PFDN2: variants seen among roughly 807,000 people sequenced by gnomAD.
PFDN2 encodes prefoldin 2.
PFDN2 carries 7 observed loss-of-function variants against 18.3 expected under a neutral mutation model. The observed-to-expected ratio is 0.38, with a 90% CI of 0.22 to 0.72. The LOEUF is 0.72. Among genes scored for constraint, PFDN2 ranks in the 30% least tolerant of loss-of-function variants. PFDN2 has a pLI of 0.47. For synonymous variants in PFDN2, 76 were observed against 75.0 expected, an observed-to-expected ratio of 1.01 and a Z score of -0.07; for missense variants, 181 against 199.1, an observed-to-expected ratio of 0.91 and a Z score of 0.55.
intron 1 of PFDN2, among the ~76,000 whole-genome samples, chr1:161,109,212 C>T (rs976221294): frequency 1.6e-4 from 24 of 152,180 alleles, no homozygotes; most frequent in Non-Finnish European, 7.3e-5. Context: ...AGAATCTTCA[C>T]CCTACGTTTG....
In PFDN2 at chr1:161,100,752, C is replaced by T; in HGVS notation, c.396G>A (p.Lys132=). The change falls in exon 4 of 4, where the codon AAG becomes AAA. Residue 132 remains lysine (K), a synonymous_variant. Transcript: ENST00000368010. Reference sequence around the variant, plus strand: ...CTTCTGAGTTTTCCTTGGCTGCTGGCTTCTCATCTTCTCCCATGAGACGAA... The same window carrying T: ...CTTCTGAGTTTTCCTTGGCTGCTGGTTTCTCATCTTCTCCCATGAGACGAA... ...HNIRLMGEDE[K]PAAKENSEGA... is the part of the protein sequence containing the mutation. 5 of 1,614,156 alleles carry T rather than the reference C, an allele frequency of 3.1e-6. No homozygotes were observed. Among genetic ancestry groups the T allele is most frequent in the Non-Finnish European group, 4.2e-6 (5 of 1,179,974 alleles).
At chr1:161,102,619 C>T (rs1464195529) in intron 1 of PFDN2, among the ~76,000 whole-genome samples, 1 of 152,116 alleles carries the variant, frequency 6.6e-6, no homozygotes, top group Admixed American at 6.6e-5. Context: ...ATAGATTTGG[C>T]CTCTGGCTTC....
chr1:161,101,606 A>G (rs1654562645), intron 3 of PFDN2, among the ~76,000 whole-genome samples: 2 of 152,190 alleles, frequency 1.3e-5, no homozygotes, highest in Admixed American at 1.3e-4. Context: ...TGATTCATGT[A>G]TTCGTGAAAC....
At chr1:161,110,145 A>G (rs1338524760) in intron 1 of PFDN2, among the ~76,000 whole-genome samples, 1 of 151,872 alleles carries the variant, frequency 6.6e-6, no homozygotes, top group Non-Finnish European at 1.5e-5. Context: ...AGACCACTTG[A>G]GCTCAGGAGT....
chr1:161,103,213 G>A (rs12024799), intron 1 of PFDN2, among the ~76,000 whole-genome samples: 3 of 152,084 alleles, frequency 2.0e-5, no homozygotes, highest in African/African-American at 7.2e-5. Context: ...GCAGACAAAT[G>A]GGTATAGAAG....
At chr1:161,117,211 C>T (rs961484459) in intron 1 of PFDN2, among the ~76,000 whole-genome samples, 1 of 152,226 alleles carries the variant, frequency 6.6e-6, no homozygotes, top group Non-Finnish European at 1.5e-5. Context: ...GCACTCCAGC[C>T]TGGGCGACAG....
chr1:161,103,675 C>T (rs111921706), intron 1 of PFDN2, among the ~76,000 whole-genome samples: 6,307 of 102,558 alleles, frequency 0.061, 538 homozygotes, highest in African/African-American at 0.22. Flanking sequence ...CAGAGCAAGA[C>T]TCCGTCTCAA....
At chr1:161,117,855 G>C (rs775609522) in intron 1 of PFDN2, 97 bp downstream of exon 1, 15 of 1,089,744 alleles carry the variant, frequency 1.4e-5, no homozygotes, top group African/African-American at 1.6e-5. Flanking sequence ...CGCACATGTG[G>C]TGCTGGAGTA....
In PFDN2 at chr1:161,108,151, T is replaced by TA. The variant is rs557544026; in HGVS notation, c.76-5777dup. On this transcript the variant is annotated intron_variant, in intron 1 of 3. Transcript: ENST00000368010. ...CAAAAACAAAAACAAAAATAAAAAT[T>TA]AAAAAAAAAAAAAAAACAAGGCTGG... 8.5e-3 allele frequency among the ~76,000 whole-genome samples: 936 copies of TA among 110,654 alleles called. 6 individuals are homozygous for TA. The highest frequency in any genetic ancestry group is 0.022 in the African/African-American group (664 of 29,614). The allele number at this position is 110,654 out of a possible 152,430, so 72.6% of individuals were successfully genotyped here. A position where few individuals can be genotyped will look rare whatever the true frequency, so the allele number is the denominator to read the frequency against.
chr1:161,108,563 T>C (rs549492353), intron 1 of PFDN2, among the ~76,000 whole-genome samples: 1 of 144,216 alleles, frequency 6.9e-6, no homozygotes, highest in African/African-American at 2.6e-5. Context: ...AGACTCCATC[T>C]CAAAAAAAAA....
In PFDN2 at chr1:161,118,035, C is replaced by T. The variant is rs1363612792; in HGVS notation, c.-9G>A. 6.2e-7 allele frequency: 1 copy of T among 1,610,980 alleles called. No individual in the cohort carries two copies. Among genetic ancestry groups the T allele is most frequent in the East Asian group, 2.2e-5 (1 of 44,826 alleles). On this transcript the variant is annotated 5_prime_UTR_variant, in exon 1 of 4. Transcript: ENST00000368010. ...CCGCTGTTCTCCGCCATCTTCGCCG[C>T]CTGCTGGGTTTCCGGCCGGCGCAGC...
At chr1:161,102,211 C>G (rs761819525) in intron 2 of PFDN2, 40 bp from the exon 3 acceptor site, 1 of 1,613,856 alleles carries the variant, frequency 6.2e-7, no homozygotes, top group Non-Finnish European at 8.5e-7. Flanking sequence ...GGATTCAGCC[C>G]CACTCTACTA....
chr1:161,113,809 T>A (rs1229786701), intron 1 of PFDN2, among the ~76,000 whole-genome samples: 1 of 152,174 alleles, frequency 6.6e-6, no homozygotes, highest in Admixed American at 6.6e-5. Context: ...AAAACAAGTG[T>A]CTAACACAAT....
At chr1:161,116,819 G>T (rs1020643776) in intron 1 of PFDN2, among the ~76,000 whole-genome samples, 2 of 151,774 alleles carry the variant, frequency 1.3e-5, no homozygotes, top group African/African-American at 2.4e-5. Context: ...CCGACATCCC[G>T]CAACTGTACT....
At position 161,110,843 on chromosome 1, in the gene PFDN2, C is replaced by CTTT. The variant is rs200704754; in HGVS notation, c.75+7106_75+7108dup. ...AATTTTTTTTTTTTTTTTGTAGAGA[C>CTTT]TTTTTTTTTTTTTTGAGATGGAGTC... is the stretch of plus-strand genomic sequence containing the variant. On this transcript the variant is annotated intron_variant, in intron 1 of 3. Coordinates refer to ENST00000368010, the MANE Select transcript of PFDN2 (RefSeq NM_012394.4). Among the ~76,000 whole-genome samples, 51 of 118,242 alleles carry CTTT rather than the reference C, an allele frequency of 4.3e-4. 1 individual carries two copies. The highest frequency in any genetic ancestry group is 5.3e-4 in the Non-Finnish European group (31 of 58,294). 77.6% of individuals were successfully genotyped at this position (118,242 alleles called of 152,430 possible).
intron 3 of PFDN2, among the ~76,000 whole-genome samples, 191 bp downstream of exon 3, chr1:161,101,857 G>A (rs1048574371): frequency 1.3e-5 from 2 of 152,196 alleles, no homozygotes; most frequent in African/African-American, 4.8e-5. Flanking sequence ...AGGCTCAGGT[G>A]AGTAGCTGGG....
chr1:161,102,380 C>A lies in PFDN2; in HGVS notation c.76-5G>T, dbSNP rs759291535. 33 of 1,606,896 alleles carry A rather than the reference C, an allele frequency of 2.1e-5. No individual in the cohort carries two copies. The highest frequency in any genetic ancestry group is 2.7e-5 in the Non-Finnish European group (32 of 1,173,556). On this transcript the variant is annotated splice_region_variant and splice_polypyrimidine_tract_variant and intron_variant, in intron 1 of 3. Transcript: ENST00000368010. ...GCGGTTGAAGCCAGCAATCACCTAA[C>A]AAGGTGAGAGAAGAGATGAAAGAGG...
chr1:161,100,750 G>C lies in PFDN2; in HGVS notation c.398C>G (p.Pro133Arg). The C allele has an allele frequency of 6.2e-7, 1 of 1,614,086 alleles. No homozygotes were observed. Among genetic ancestry groups the C allele is most frequent in the South Asian group, 1.1e-5 (1 of 91,076 alleles). Reference sequence around the variant, plus strand: ...CCCTTCTGAGTTTTCCTTGGCTGCTGGCTTCTCATCTTCTCCCATGAGACG... The same window carrying C: ...CCCTTCTGAGTTTTCCTTGGCTGCTCGCTTCTCATCTTCTCCCATGAGACG... ...NIRLMGEDEKPAAKENSEGAG... is the reference protein window; with the variant it reads ...NIRLMGEDEKRAAKENSEGAG... Residue 133 changes from proline to arginine, a missense_variant, in exon 4 of 4, where the codon CCA (proline) becomes CGA (arginine). Pro to Arg is a moderately radical substitution (Grantham distance 103). Coordinates refer to ENST00000368010, the MANE Select transcript of PFDN2 (RefSeq NM_012394.4).
At position 161,102,070 on chromosome 1, in the gene PFDN2, G is replaced by C; in HGVS notation, c.266C>G (p.Ala89Gly). 1.2e-6 allele frequency: 2 copies of C among 1,614,186 alleles called. No homozygotes were observed. The highest frequency in any genetic ancestry group is 8.5e-7 in the Non-Finnish European group (1 of 1,180,026). Residue 89 changes from alanine to glycine, a missense_variant, in exon 3 of 4, where the codon GCT becomes GGT. Physicochemically the swap from Ala to Gly is moderately conservative, Grantham distance 60. Transcript: ENST00000368010. ...VERTVKEVLP[A>G]LENNKEQIQK... Reference sequence around the variant, plus strand: ...CACCTGCTCCTTGTTGTTCTCCAAAGCGGGCAGCACCTCTTTGACAGTTCG... The same window carrying C: ...CACCTGCTCCTTGTTGTTCTCCAAACCGGGCAGCACCTCTTTGACAGTTCG...
Sources: gnomAD v4.1 joint callset for allele counts (sites outside exome capture counted in the v4.1 genomes callset) on GRCh38, gnomAD v4.1.1 for gene constraint, MANE v1.5 for transcripts, NCBI Gene and HGNC (gene_info 2026-07-23, HGNC 2026-07-21) for gene names.